Variants in ZFR observed in about 807,000 individuals in gnomAD.
ZFR encodes the protein zinc finger RNA-binding protein.
Under a neutral mutation model 130.7 loss-of-function variants are expected in ZFR, and 19 were observed. That is an observed-to-expected ratio of 0.15 (90% CI 0.10 to 0.21). The LOEUF is 0.21. Among genes scored for constraint, ZFR ranks in the 10% least tolerant of loss-of-function variants. The pLI is 1.00. For synonymous variants in ZFR, 466 were observed against 456.9 expected, an observed-to-expected ratio of 1.02 and a Z score of -0.25; for missense variants, 872 against 1,321.5, an observed-to-expected ratio of 0.66 and a Z score of 5.27.
intron 10 of ZFR, among the ~76,000 whole-genome samples, chr5:32,397,003 A>G (rs1223466124): frequency 6.6e-5 from 10 of 152,164 alleles, no homozygotes; most frequent in African/African-American, 2.4e-4. Flanking sequence ...ACAATTACTA[A>G]AACTGATGAG....
rs368724929 is a variant in ZFR, at chr5:32,381,856, A to G, written c.2642-1684T>C. Among the ~76,000 whole-genome samples, 88 of 152,332 alleles carry G rather than the reference A, an allele frequency of 5.8e-4. 1 individual carries two copies. The South Asian group carries it at 0.011, about 20-fold the overall frequency. On this transcript the variant is annotated intron_variant, in intron 15 of 19. Transcript: ENST00000265069. Reference sequence around the variant, plus strand: ...TACTAAAAGAGGAATTTGGTGCTAAAAAGAAGTTATCAAGACAAAAATATT... The same window carrying G: ...TACTAAAAGAGGAATTTGGTGCTAAGAAGAAGTTATCAAGACAAAAATATT...
At chr5:32,419,039 A>G (rs1199089480) in intron 3 of ZFR, among the ~76,000 whole-genome samples, 3 of 152,236 alleles carry the variant, frequency 2.0e-5, no homozygotes, top group African/African-American at 7.2e-5. Context: ...TGTAAAGGGG[A>G]CAGAATTTCC....
intron 19 of ZFR, among the ~76,000 whole-genome samples, chr5:32,361,829 G>T (rs1000826300): frequency 2.0e-5 from 3 of 151,994 alleles, no homozygotes; most frequent in Admixed American, 2.0e-4. Context: ...TGCCACGTTG[G>T]TCTCAAACTC....
chr5:32,368,955 T>C (rs763154470), intron 17 of ZFR, among the ~76,000 whole-genome samples: 10 of 130,338 alleles, frequency 7.7e-5, no homozygotes, highest in Non-Finnish European at 1.4e-4. Context: ...TGGATCACTA[T>C]TGACACATGC....
chr5:32,429,228 T>C (rs1162089791), intron 2 of ZFR, among the ~76,000 whole-genome samples: 2 of 152,158 alleles, frequency 1.3e-5, no homozygotes, highest in Non-Finnish European at 1.5e-5. Flanking sequence ...CCTCGTGATC[T>C]GCCCGGCTTG....
At chr5:32,434,528 G>A (rs1754292432) in intron 2 of ZFR, among the ~76,000 whole-genome samples, 2 of 152,172 alleles carry the variant, frequency 1.3e-5, no homozygotes, top group Admixed American at 6.6e-5. Context: ...TTTGAAAGAA[G>A]ATATGATACT....
intron 2 of ZFR, among the ~76,000 whole-genome samples, chr5:32,441,560 C>T (rs768575785): frequency 5.3e-5 from 8 of 150,450 alleles, no homozygotes; most frequent in Non-Finnish European, 1.0e-4. Flanking sequence ...GTGAACTGTA[C>T]TTAAGATTTT....
chr5:32,380,650 CTTTTT>C (rs55724344), intron 15 of ZFR, among the ~76,000 whole-genome samples: 6 of 97,072 alleles, frequency 6.2e-5, no homozygotes, highest in Non-Finnish European at 1.2e-4. Context: ...ACAGGCATTT[CTTTTT>C]TTTTTTTTTT....
chr5:32,419,941 A>G lies in ZFR; in HGVS notation c.300T>C (p.Ala100=). 1 of 1,613,990 alleles carries G rather than the reference A, an allele frequency of 6.2e-7. No individual in the cohort carries two copies. The highest frequency in any genetic ancestry group is 1.3e-5 in the African/African-American group (1 of 74,990). Residue 100 remains alanine, a synonymous_variant, in exon 3 of 20, where the codon GCT becomes GCC. Transcript: ENST00000265069. ...ARPAPVAVAA[A]ATAAAYGGYP... Reference sequence around the variant, plus strand: ...AGCCTCCATAAGCAGCAGCTGTTGCAGCAGCTGCAACAGCTACTGGAGCAG... The same window carrying G: ...AGCCTCCATAAGCAGCAGCTGTTGCGGCAGCTGCAACAGCTACTGGAGCAG...
intron 15 of ZFR, 159 bp from the exon 16 acceptor site, chr5:32,380,331 C>T (rs1001269354): frequency 1.8e-5 from 9 of 501,336 alleles, no homozygotes; most frequent in Admixed American, 9.4e-5. Context: ...TTTACATAAT[C>T]CAATATGAGG....
chr5:32,392,930 G>A (rs1180874306), intron 11 of ZFR, among the ~76,000 whole-genome samples: 2 of 152,210 alleles, frequency 1.3e-5, no homozygotes, highest in Non-Finnish European at 2.9e-5. Flanking sequence ...AGGAGGTGGA[G>A]AGTGCAGTGA....
chr5:32,384,086 G>A (rs1285488785), intron 15 of ZFR, among the ~76,000 whole-genome samples: 1 of 152,094 alleles, frequency 6.6e-6, no homozygotes, highest in Non-Finnish European at 1.5e-5. Flanking sequence ...ATAATAAAAT[G>A]GCTTGATACT....
chr5:32,397,327 A>G lies in ZFR; in HGVS notation c.1725T>C (p.Asp575=). Residue 575 remains aspartate, a synonymous_variant, in exon 10 of 20, where the codon GAT becomes GAC. Coordinates refer to ENST00000265069, the MANE Select transcript of ZFR (RefSeq NM_016107.5). ...AATGGAACCGAATTACTTTTCCTTC[A>G]TCATTTCGTACCTTGGTGTGGAAAA... is the stretch of plus-strand genomic sequence containing the variant. The part of the protein sequence containing the change: ...GHDYVEEVRN[D]EGKVIRFHCK... 1 of 1,612,550 alleles carries G rather than the reference A, an allele frequency of 6.2e-7. No homozygotes were observed. The highest frequency in any genetic ancestry group is 8.5e-7 in the Non-Finnish European group (1 of 1,179,478).
intron 4 of ZFR, among the ~76,000 whole-genome samples, chr5:32,416,844 T>C (rs933055357): frequency 2.6e-5 from 4 of 151,686 alleles, no homozygotes; most frequent in Non-Finnish European, 5.9e-5. Flanking sequence ...TTCTACTCTC[T>C]TACAATCCAA....
intron 2 of ZFR, among the ~76,000 whole-genome samples, chr5:32,440,789 C>A (rs570797857): frequency 6.6e-5 from 10 of 152,244 alleles, no homozygotes; most frequent in Non-Finnish European, 1.5e-4. Context: ...GGTAACTAAT[C>A]TACAAGTTAC....
Position 32,415,503 on chromosome 5 carries a change from T to C in ZFR, c.566-316A>G, listed in dbSNP as rs755311747. On this transcript the variant is annotated intron_variant, in intron 4 of 19. Coordinates refer to ENST00000265069, the MANE Select transcript of ZFR (RefSeq NM_016107.5). Reference sequence around the variant, plus strand: ...GAAAAGGAGTGTGTGTGTGTGTGTGTGTGTGTGTGTGTGCGCGCGCGCGCG... The same window carrying C: ...GAAAAGGAGTGTGTGTGTGTGTGTGCGTGTGTGTGTGTGCGCGCGCGCGCG... Among the ~76,000 whole-genome samples, 6 of 115,560 alleles carry C rather than the reference T, an allele frequency of 5.2e-5. 1 individual carries two copies. The highest frequency in any genetic ancestry group is 9.4e-5 in the Non-Finnish European group (5 of 52,980). 75.8% of individuals were successfully genotyped at this position (115,560 alleles called of 152,430 possible).
At position 32,400,369 on chromosome 5, in the gene ZFR, T is replaced by C. The variant is rs1753421979; in HGVS notation, c.1517-166A>G. ...AACTACATAAACTACTTGGCTTTTT[T>C]ACCCTATTAGTGAAATACGTTTCTG... On this transcript the variant is annotated intron_variant, in intron 8 of 19. Coordinates refer to ENST00000265069, the MANE Select transcript of ZFR (RefSeq NM_016107.5). 2.0e-5 allele frequency among the ~76,000 whole-genome samples: 3 copies of C among 152,206 alleles called. No individual in the cohort carries two copies. The South Asian group carries it at 6.2e-4, about 32-fold the overall frequency.
chr5:32,414,487 A>G (rs1334775520), intron 5 of ZFR, among the ~76,000 whole-genome samples: 1 of 152,234 alleles, frequency 6.6e-6, no homozygotes. Context: ...TCTTCCAAAA[A>G]AGGTGTGTTA....
intron 9 of ZFR, among the ~76,000 whole-genome samples, chr5:32,397,772 A>C (rs536880267): frequency 2.4e-4 from 35 of 145,492 alleles, no homozygotes; most frequent in African/African-American, 8.3e-4. Context: ...TTTTAAAAGG[A>C]TAGAAACTGT....
Sources: gnomAD v4.1 joint callset for allele counts (sites outside exome capture counted in the v4.1 genomes callset) on GRCh38, gnomAD v4.1.1 for gene constraint, MANE v1.5 for transcripts, NCBI Gene and HGNC (gene_info 2026-07-23, HGNC 2026-07-21) for gene names.